MAGI2: variants seen among roughly 807,000 people sequenced by gnomAD.
MAGI2 encodes membrane associated guanylate kinase, WW and PDZ domain containing 2, also known as membrane-associated guanylate kinase, WW and PDZ domain-containing protein 2.
In MAGI2, 35 loss-of-function variants were observed where a neutral mutation model predicts 133.3. That is an observed-to-expected ratio of 0.26 (90% CI 0.20 to 0.35). The LOEUF is 0.35. Among genes scored for constraint, MAGI2 ranks in the 10% least tolerant of loss-of-function variants. The pLI is 1.00. For missense variants in MAGI2, 1,636 were observed against 1,863.4 expected (o/e 0.88, Z 2.25); for synonymous variants, 729 against 710.6 (o/e 1.03, Z -0.41).
At chr7:79,382,677 G>A (rs1309796213) in intron 1 of MAGI2, among the ~76,000 whole-genome samples, 1 of 151,546 alleles carries the variant, frequency 6.6e-6, no homozygotes, top group African/African-American at 2.4e-5. Flanking sequence ...TATGGTCACT[G>A]CTAAATAAAT....
At chr7:78,987,833 TACACACAC>T (rs141353429) in intron 2 of MAGI2, among the ~76,000 whole-genome samples, 1 of 151,032 alleles carries the variant, frequency 6.6e-6, no homozygotes, top group Non-Finnish European at 1.5e-5. Flanking sequence ...TACGTTTTTA[TACACACAC>T]ACACACAGGC....
At chr7:78,415,462 C>T (rs950043432) in intron 6 of MAGI2, among the ~76,000 whole-genome samples, 1 of 152,110 alleles carries the variant, frequency 6.6e-6, no homozygotes, top group Non-Finnish European at 1.5e-5. Flanking sequence ...AAGAACAATT[C>T]TGTCTATCTG....
In MAGI2 at chr7:79,068,779, G is replaced by A. The variant is rs142537569; in HGVS notation, c.302-61573C>T. ...CTTTAAATTTGTCCCAGAGATTCTG[G>A]TACGTTGTGTCTTTGTTTTCATTGG... On this transcript the variant is annotated intron_variant, in intron 1 of 21. Coordinates refer to ENST00000354212, the MANE Select transcript of MAGI2 (RefSeq NM_012301.4). Among the ~76,000 whole-genome samples, 174 of 152,200 alleles carry A rather than the reference G, an allele frequency of 1.1e-3. 2 individuals are homozygous for A. In the East Asian group the frequency reaches 0.022, roughly 20 times the overall value.
chr7:78,192,752 T>C (rs1410643219), intron 12 of MAGI2, among the ~76,000 whole-genome samples: 1 of 152,182 alleles, frequency 6.6e-6, no homozygotes, highest in Non-Finnish European at 1.5e-5. Flanking sequence ...GCTTGTCCTC[T>C]TTTGGCTTTC....
chr7:79,057,233 C>T (rs546075147), intron 1 of MAGI2, among the ~76,000 whole-genome samples: 5 of 152,186 alleles, frequency 3.3e-5, no homozygotes, highest in African/African-American at 7.2e-5. Context: ...CATGGCTCAA[C>T]CTTTACCTTT....
At chr7:78,403,814 G>A (rs550277924) in intron 6 of MAGI2, among the ~76,000 whole-genome samples, 2 of 152,212 alleles carry the variant, frequency 1.3e-5, no homozygotes, top group South Asian at 4.2e-4. Flanking sequence ...AGAAGTGTCT[G>A]GTCAATCAGG....
intron 2 of MAGI2, among the ~76,000 whole-genome samples, chr7:78,776,206 A>G (rs1034374434): frequency 1.3e-5 from 2 of 152,232 alleles, no homozygotes; most frequent in Non-Finnish European, 2.9e-5. Context: ...TTAGCAAGTA[A>G]GAAGCAAAAT....
intron 6 of MAGI2, among the ~76,000 whole-genome samples, chr7:78,459,586 G>A (rs1257576262): frequency 6.6e-6 from 1 of 152,186 alleles, no homozygotes; most frequent in African/African-American, 2.4e-5. Flanking sequence ...AAATGAGCAT[G>A]GTGAGCAGTA....
intron 21 of MAGI2, among the ~76,000 whole-genome samples, chr7:78,023,688 C>T (rs540342015): frequency 6.6e-5 from 10 of 152,318 alleles, no homozygotes; most frequent in African/African-American, 2.4e-4. Flanking sequence ...CCACCACTAC[C>T]CTGGTGAAAC....
At chr7:78,569,231 A>G (rs1011788843) in intron 3 of MAGI2, among the ~76,000 whole-genome samples, 1 of 152,110 alleles carries the variant, frequency 6.6e-6, no homozygotes, top group Non-Finnish European at 1.5e-5. Context: ...ATTTATTTAT[A>G]TAGTGTTTCA....
At chr7:78,705,309 C>T (rs1314693499) in intron 2 of MAGI2, among the ~76,000 whole-genome samples, 2 of 152,086 alleles carry the variant, frequency 1.3e-5, no homozygotes, top group Admixed American at 6.6e-5. Context: ...CTCCTGCTGC[C>T]ATTTGAAGAA....
At position 79,234,586 on chromosome 7, in the gene MAGI2, C is replaced by T. The variant is rs935867487; in HGVS notation, c.301+218434G>A. On this transcript the variant is annotated intron_variant, in intron 1 of 21. Transcript: ENST00000354212. ...CACCCTTTCTTCCAGTTGATCGCAT[C>T]GGCTCCTGAGGCTTCTGCATTCTTC... Among the ~76,000 whole-genome samples the T allele has an allele frequency of 2.1e-3, 319 of 152,172 alleles. 1 individual carries two copies. Among genetic ancestry groups the T allele is most frequent in the East Asian group, 0.017 (88 of 5,154 alleles).
At chr7:78,730,320 T>C (rs1225432954) in intron 2 of MAGI2, among the ~76,000 whole-genome samples, 1 of 150,854 alleles carries the variant, frequency 6.6e-6, no homozygotes, top group Non-Finnish European at 1.5e-5. Context: ...AACAAGTTAA[T>C]AATACTTTGC....
At chr7:78,858,839 T>C (rs1793893458) in intron 2 of MAGI2, among the ~76,000 whole-genome samples, 1 of 152,302 alleles carries the variant, frequency 6.6e-6, no homozygotes, top group East Asian at 1.9e-4. Context: ...CAGTGGGGTG[T>C]TAAAGTCTCC....
At position 78,632,429 on chromosome 7, in the gene MAGI2, C is replaced by A. The variant is rs372058201; in HGVS notation, c.419-5190G>T. ...AGACCTGAAGGGGAGCAGAGACCCA[C>A]AATACTTGTAGGCTGTACACTACCC... On this transcript the variant is annotated intron_variant, in intron 2 of 21. Coordinates refer to ENST00000354212, the MANE Select transcript of MAGI2 (RefSeq NM_012301.4). Among the ~76,000 whole-genome samples, 17 of 152,256 alleles carry A rather than the reference C, an allele frequency of 1.1e-4. 2 individuals carry two copies. The East Asian group carries it at 1.2e-3, about 10-fold the overall frequency.
chr7:79,395,527 G>A (rs968635692), intron 1 of MAGI2, among the ~76,000 whole-genome samples: 5 of 152,084 alleles, frequency 3.3e-5, no homozygotes, highest in Non-Finnish European at 7.4e-5. Context: ...CTTCCAGAGA[G>A]CCCCAGAGAG....
chr7:78,842,413 C>T (rs1469645617), intron 2 of MAGI2, among the ~76,000 whole-genome samples: 1 of 151,878 alleles, frequency 6.6e-6, no homozygotes, highest in African/African-American at 2.4e-5. Context: ...GAGTCTCACC[C>T]TTGTATTTTT....
intron 9 of MAGI2, among the ~76,000 whole-genome samples, chr7:78,289,975 C>A (rs1425460015): frequency 6.6e-6 from 1 of 152,114 alleles, no homozygotes; most frequent in Non-Finnish European, 1.5e-5. Flanking sequence ...TGGAAAGGAA[C>A]AACCGGTACC....
chr7:78,798,671 A>G (rs915082167), intron 2 of MAGI2, among the ~76,000 whole-genome samples: 2 of 152,148 alleles, frequency 1.3e-5, no homozygotes, highest in East Asian at 1.9e-4. Flanking sequence ...TCATTTCCCA[A>G]TGGAGAACGG....
Sources: allele counts gnomAD v4.1 joint callset (sites outside exome capture counted in the v4.1 genomes callset), GRCh38; gene constraint gnomAD v4.1.1; transcripts MANE v1.5; gene names NCBI Gene and HGNC (gene_info 2026-07-23, HGNC 2026-07-21).